PLCH1: variants seen among roughly 807,000 people sequenced by gnomAD.
PLCH1 encodes the protein phospholipase C eta 1, also known as 1-phosphatidylinositol 4,5-bisphosphate phosphodiesterase eta-1.
Under a neutral mutation model 126.7 loss-of-function variants are expected in PLCH1, and 60 were observed. That is an observed-to-expected ratio of 0.47 (90% confidence interval 0.38 to 0.59). The LOEUF (loss-of-function observed/expected upper bound fraction) is 0.59. Ranked by LOEUF, PLCH1 falls within the 20% of genes least tolerant of loss-of-function variation. The pLI is 0.00. For missense variants in PLCH1, 1,723 were observed against 2,040.0 expected, an observed-to-expected ratio of 0.84 and a Z score of 2.99; for synonymous variants, 719 against 734.9, an observed-to-expected ratio of 0.98 and a Z score of 0.35.
rs549746326 is a variant in PLCH1, at chr3:155,504,278, G to T, written c.1704+277C>A. On this transcript the variant is annotated intron_variant, in intron 13 of 22. Coordinates refer to ENST00000460012, the MANE Select transcript of PLCH1 (RefSeq NM_014996.4). ...TAATAACACATACCCATTATGTATT[G>T]GATATGTATATTTAAGATGTTAAAT... 1.4e-3 allele frequency among the ~76,000 whole-genome samples: 216 copies of T among 152,156 alleles called. 1 individual carries two copies. Among genetic ancestry groups the T allele is most frequent in the Non-Finnish European group, 1.8e-3 (120 of 68,004 alleles).
intron 2 of PLCH1, among the ~76,000 whole-genome samples, chr3:155,694,424 T>A (rs1745649224): frequency 6.6e-6 from 1 of 152,226 alleles, no homozygotes; most frequent in Non-Finnish European, 1.5e-5. Flanking sequence ...TCTCCACATC[T>A]AGAGATGATA....
At chr3:155,550,092 C>A in intron 9 of PLCH1, 134 bp from the exon 10 acceptor site, 1 of 565,148 alleles carries the variant, frequency 1.8e-6, no homozygotes, top group Non-Finnish European at 3.0e-6. Flanking sequence ...GGTTAAAATG[C>A]TTCTAAAATG....
At chr3:155,486,114 C>A (rs879746171) in intron 21 of PLCH1, 24 of 1,373,276 alleles carry the variant, frequency 1.7e-5, no homozygotes, top group Middle Eastern at 1.8e-4. Flanking sequence ...AGAAATATGC[C>A]AGCCAGAACA....
chr3:155,571,604 G>A lies in PLCH1; in HGVS notation c.772-3280C>T, dbSNP rs577353355. Among the ~76,000 whole-genome samples the A allele has an allele frequency of 3.5e-4, 53 of 152,260 alleles. 1 individual carries two copies. In the South Asian group the frequency reaches 0.011, roughly 31 times the overall value. ...AGTAGAAACAGGGTTTCACCATGTT[G>A]GCCAGGTTGGTCTCGAACTCCTGAC... On this transcript the variant is annotated intron_variant, in intron 6 of 22. Transcript: ENST00000460012.
At chr3:155,582,168 A>C (rs1730803985) in intron 6 of PLCH1, among the ~76,000 whole-genome samples, 1 of 121,332 alleles carries the variant, frequency 8.2e-6, no homozygotes. Flanking sequence ...TACAACCTCC[A>C]CCTCCTGGGT....
At chr3:155,463,340 TC>T (rs1712800289) in intron 21 of PLCH1, among the ~76,000 whole-genome samples, 2 of 152,252 alleles carry the variant, frequency 1.3e-5, no homozygotes, top group African/African-American at 4.8e-5. Context: ...ATATATTTTA[TC>T]TCAGCACCTC....
In PLCH1 at chr3:155,488,017, ATCTT is replaced by A. The variant is rs1443954678; in HGVS notation, c.2619+7_2619+10del. The A allele has an allele frequency of 6.8e-7, 1 of 1,474,682 alleles. No homozygotes were observed. Among genetic ancestry groups the A allele is most frequent in the Non-Finnish European group, 9.5e-7 (1 of 1,052,914 alleles). 91.3% of individuals were successfully genotyped at this position (1,474,682 alleles called of 1,614,324 possible). A position where few individuals can be genotyped will look rare whatever the true frequency, so the allele number is the denominator to read the frequency against. ...AATGTATATGACTTTAAATCCTATGATCTTTCTCACCTTTCCATAGATTTCATTG... is the reference window on the plus strand; with the variant it reads ...AATGTATATGACTTTAAATCCTATGATCTCACCTTTCCATAGATTTCATTG... On this transcript the variant is annotated splice_region_variant and intron_variant, in intron 21 of 22. Coordinates refer to ENST00000460012, the MANE Select transcript of PLCH1 (RefSeq NM_014996.4).
chr3:155,592,562 T>C (rs1333430743), intron 4 of PLCH1, among the ~76,000 whole-genome samples: 3 of 151,830 alleles, frequency 2.0e-5, no homozygotes, highest in Admixed American at 6.6e-5. Flanking sequence ...TTAGAGATAC[T>C]GCCTAAAGCT....
chr3:155,606,313 T>A lies in PLCH1; in HGVS notation c.80-9935A>T, dbSNP rs189868825. Among the ~76,000 whole-genome samples the A allele has an allele frequency of 6.2e-4, 94 of 152,280 alleles. 2 individuals are homozygous for A. The highest frequency in any genetic ancestry group is 5.2e-3 in the Admixed American group (79 of 15,284). ...GGAAAAACAGAGGAGGAGACCCCGT[T>A]TTAGGAAAAAACTCTGTTTTCCTCA... is the stretch of plus-strand genomic sequence containing the variant. On this transcript the variant is annotated intron_variant, in intron 2 of 22. Coordinates refer to ENST00000460012, the MANE Select transcript of PLCH1 (RefSeq NM_014996.4).
chr3:155,498,375 G>C (rs1717384099), intron 14 of PLCH1, among the ~76,000 whole-genome samples: 1 of 152,180 alleles, frequency 6.6e-6, no homozygotes, highest in South Asian at 2.1e-4. Context: ...TGTGGTTTCA[G>C]GCATCCACTG....
intron 10 of PLCH1, among the ~76,000 whole-genome samples, chr3:155,537,790 A>G (rs1723643720): frequency 6.6e-6 from 1 of 152,192 alleles, no homozygotes; most frequent in South Asian, 2.1e-4. Context: ...ACAGCAACAC[A>G]ATAATAGTGA....
At chr3:155,451,104 AAAAT>A (rs1184607106) in intron 21 of PLCH1, among the ~76,000 whole-genome samples, 1 of 152,150 alleles carries the variant, frequency 6.6e-6, no homozygotes, top group Non-Finnish European at 1.5e-5. Context: ...CCCAAAATAA[AAAAT>A]ATATATTGAT....
intron 2 of PLCH1, among the ~76,000 whole-genome samples, chr3:155,642,995 C>A (rs899378893): frequency 6.6e-6 from 1 of 152,132 alleles, no homozygotes; most frequent in Non-Finnish European, 1.5e-5. Context: ...TGTCACCAGG[C>A]TGGAGTGTAG....
intron 2 of PLCH1, among the ~76,000 whole-genome samples, chr3:155,613,763 C>A (rs1050265412): frequency 6.6e-6 from 1 of 152,132 alleles, no homozygotes; most frequent in Non-Finnish European, 1.5e-5. Flanking sequence ...ACCACTCCCA[C>A]CACTTCTGTT....
chr3:155,614,069 A>G (rs7647013), intron 2 of PLCH1, among the ~76,000 whole-genome samples: 73,817 of 152,006 alleles, frequency 0.49, 20,310 homozygotes, highest in African/African-American at 0.74. Flanking sequence ...TAAATAGAAT[A>G]CTTAAAAATA....
chr3:155,642,515 A>C lies in PLCH1; in HGVS notation c.80-46137T>G, dbSNP rs566448986. 1.1e-4 allele frequency among the ~76,000 whole-genome samples: 17 copies of C among 152,296 alleles called. No homozygotes were observed. The South Asian group carries it at 3.5e-3, about 32-fold the overall frequency. On this transcript the variant is annotated intron_variant, in intron 2 of 22. Transcript: ENST00000460012. ...GTCTGTGAGGGTAGTTCCAAAAGAG[A>C]TTAGCATTTGAATTGGTAGATAGAG... is the stretch of plus-strand genomic sequence containing the variant.
intron 7 of PLCH1, among the ~76,000 whole-genome samples, chr3:155,567,980 C>A (rs1053200280): frequency 6.6e-6 from 1 of 152,212 alleles, no homozygotes; most frequent in Non-Finnish European, 1.5e-5. Context: ...TGGCATCCAT[C>A]ACACGTGGTG....
intron 5 of PLCH1, 25 bp downstream of exon 5, chr3:155,586,040 G>A (rs777680419): frequency 6.2e-6 from 10 of 1,608,496 alleles, no homozygotes; most frequent in Non-Finnish European, 7.7e-6. Context: ...TTTTATATAA[G>A]GCCAGTGAAA....
intron 10 of PLCH1, among the ~76,000 whole-genome samples, chr3:155,541,831 C>CA (rs1449390884): frequency 6.6e-6 from 1 of 151,810 alleles, no homozygotes; most frequent in African/African-American, 2.4e-5. Flanking sequence ...CACACACACA[C>CA]TCACACAAAA....
Sources: allele counts gnomAD v4.1 joint callset (sites outside exome capture counted in the v4.1 genomes callset), GRCh38; gene constraint gnomAD v4.1.1; transcripts MANE v1.5; gene names NCBI Gene and HGNC (gene_info 2026-07-23, HGNC 2026-07-21).